Variants in NAV3 observed in about 807,000 individuals in gnomAD.
The protein encoded by NAV3 is neuron navigator 3.
NAV3 carries 87 observed loss-of-function variants against 244.7 expected under a neutral mutation model. That is an observed-to-expected ratio of 0.36 (90% CI 0.30 to 0.42). The LOEUF is 0.42. Ranked by LOEUF, NAV3 falls within the 20% of genes least tolerant of loss-of-function variation. The probability of loss-of-function intolerance (pLI) is 1.00; values close to 1 mark genes in which losing one functional copy is unlikely to be tolerated. For missense variants in NAV3, 2,663 were observed against 2,893.3 expected, an observed-to-expected ratio of 0.92 and a Z score of 1.83; for synonymous variants, 1,126 against 1,042.2, an observed-to-expected ratio of 1.08 and a Z score of -1.55.
At chr12:77,577,667 A>G (rs1869155379) in intron 2 of NAV3, among the ~76,000 whole-genome samples, 1 of 152,172 alleles carries the variant, frequency 6.6e-6, no homozygotes, top group African/African-American at 2.4e-5. Flanking sequence ...TGAAGGCAGA[A>G]TTATATGAAA....
intron 9 of NAV3, among the ~76,000 whole-genome samples, chr12:78,028,745 C>G (rs1878491365): frequency 6.6e-6 from 1 of 152,188 alleles, no homozygotes; most frequent in Non-Finnish European, 1.5e-5. Context: ...TGCTCACTGC[C>G]AGGAAGCTGG....
At chr12:78,106,106 G>T (rs763737781) in intron 12 of NAV3, among the ~76,000 whole-genome samples, 1 of 151,608 alleles carries the variant, frequency 6.6e-6, no homozygotes, top group Admixed American at 6.6e-5. Context: ...TAAATGTAGA[G>T]AGCATACAGA....
chr12:77,999,693 C>A (rs1872911446), intron 7 of NAV3, among the ~76,000 whole-genome samples: 1 of 151,762 alleles, frequency 6.6e-6, no homozygotes, highest in Admixed American at 6.6e-5. Context: ...GGAATGTTTT[C>A]TTTAAAATAT....
chr12:78,098,590 C>A (rs1379622379), intron 12 of NAV3, among the ~76,000 whole-genome samples: 3 of 151,268 alleles, frequency 2.0e-5, no homozygotes, highest in Non-Finnish European at 4.4e-5. Context: ...ATTTTCTGGG[C>A]AAAAATATTA....
intron 2 of NAV3, among the ~76,000 whole-genome samples, chr12:77,684,713 C>CT (rs148124483): frequency 0.03 from 4,550 of 151,710 alleles, 222 homozygotes; most frequent in African/African-American, 0.1. Context: ...CTGATGATTC[C>CT]TTTTTTTTGT....
chr12:77,924,716 TAAAA>T (rs1348940190), intron 1 of NAV3, among the ~76,000 whole-genome samples: 1 of 152,080 alleles, frequency 6.6e-6, no homozygotes, highest in Admixed American at 6.6e-5. Context: ...TCAATGCAAT[TAAAA>T]AGAAAGTAGT....
At chr12:78,191,744 A>T (rs924949555) in intron 34 of NAV3, among the ~76,000 whole-genome samples, 1 of 152,124 alleles carries the variant, frequency 6.6e-6, no homozygotes, top group African/African-American at 2.4e-5. Context: ...CTGTCTCCTC[A>T]TATCTTTATA....
intron 3 of NAV3, among the ~76,000 whole-genome samples, chr12:77,945,998 A>T (rs1013849037): frequency 4.6e-5 from 7 of 150,852 alleles, no homozygotes; most frequent in Non-Finnish European, 1.0e-4. Flanking sequence ...ACCTCAGGTG[A>T]TCCACCCATC....
At chr12:77,812,319 T>C (rs186465530) in intron 2 of NAV3, among the ~76,000 whole-genome samples, 1 of 152,326 alleles carries the variant, frequency 6.6e-6, no homozygotes, top group Admixed American at 6.5e-5. Flanking sequence ...TTAAATGACT[T>C]TCATTTCCCT....
chr12:78,047,276 A>G (rs1180628358), intron 9 of NAV3, among the ~76,000 whole-genome samples: 1 of 152,138 alleles, frequency 6.6e-6, no homozygotes, highest in East Asian at 1.9e-4. Flanking sequence ...TCATGAGGTC[A>G]GGAGATCGAG....
chr12:77,799,409 A>C lies in NAV3; in HGVS notation c.73-140910A>C, dbSNP rs140820948. Among the ~76,000 whole-genome samples, 444 of 152,358 alleles carry C rather than the reference A, an allele frequency of 2.9e-3. 2 individuals carry two copies. The highest frequency in any genetic ancestry group is 3.7e-3 in the Non-Finnish European group (252 of 68,034). On this transcript the variant is annotated intron_variant, in intron 2 of 8. Coordinates refer to the NAV3 transcript ENST00000550042. ...GTACCTGATTTTAAAGCTTTAATCA[A>C]CATACTTCCTTATTTAGAATTATTG... is the stretch of plus-strand genomic sequence containing the variant.
At chr12:77,961,912 A>C (rs1180572780) in intron 3 of NAV3, among the ~76,000 whole-genome samples, 2 of 151,780 alleles carry the variant, frequency 1.3e-5, no homozygotes, top group Non-Finnish European at 2.9e-5. Context: ...TTTAATATTT[A>C]ATTTAGATAT....
chr12:78,197,138 A>T, intron 34 of NAV3, 109 bp from the exon 35 acceptor site: 1 of 756,656 alleles, frequency 1.3e-6, no homozygotes, highest in Non-Finnish European at 1.9e-6. Flanking sequence ...CTATGACTTT[A>T]ATGAAAGAAA....
intron 2 of NAV3, among the ~76,000 whole-genome samples, chr12:77,806,008 T>G (rs2135984926): frequency 6.6e-6 from 1 of 152,342 alleles, no homozygotes; most frequent in Non-Finnish European, 1.5e-5. Flanking sequence ...GGATCAGTTG[T>G]GGTATCCCCT....
chr12:77,748,949 T>C (rs756432760), intron 2 of NAV3, among the ~76,000 whole-genome samples: 2 of 152,184 alleles, frequency 1.3e-5, no homozygotes, highest in Non-Finnish European at 2.9e-5. Flanking sequence ...TCACAATATA[T>C]ATGTGAATTA....
At chr12:78,208,723 T>C (rs1028109362) in intron 39 of NAV3, among the ~76,000 whole-genome samples, 78 of 152,280 alleles carry the variant, frequency 5.1e-4, no homozygotes, top group African/African-American at 1.8e-3. Context: ...TTTTACAACA[T>C]CCAGCATTCA....
At chr12:77,895,735 CTT>C (rs1414814227) in intron 1 of NAV3, among the ~76,000 whole-genome samples, 8 of 119,372 alleles carry the variant, frequency 6.7e-5, no homozygotes, top group South Asian at 2.5e-4. Context: ...TATGTACCCT[CTT>C]GTTTTTTTTT....
chr12:77,805,711 C>A (rs1871942483), intron 2 of NAV3, among the ~76,000 whole-genome samples: 1 of 152,112 alleles, frequency 6.6e-6, no homozygotes, highest in African/African-American at 2.4e-5. Context: ...CCCTCTTTTT[C>A]TATTGATTGG....
chr12:77,658,485 C>A (rs1218783259), intron 2 of NAV3, among the ~76,000 whole-genome samples: 1 of 149,054 alleles, frequency 6.7e-6, no homozygotes, highest in Admixed American at 6.7e-5. Context: ...AAGAACATTC[C>A]ATGCTCATGG....
Sources: allele counts gnomAD v4.1 joint callset (sites outside exome capture counted in the v4.1 genomes callset), GRCh38; gene constraint gnomAD v4.1.1; transcripts MANE v1.5; gene names NCBI Gene and HGNC (gene_info 2026-07-23, HGNC 2026-07-21).